DMBT1: variants seen among roughly 807,000 people sequenced by gnomAD.
DMBT1 encodes deleted in malignant brain tumors 1.
DMBT1 carries 198 observed loss-of-function variants against 252.9 expected under a neutral mutation model. The observed-to-expected ratio is 0.78, with a 90% CI of 0.70 to 0.88. DMBT1 has a LOEUF of 0.88. Among genes scored for constraint, DMBT1 ranks in the 40% least tolerant of loss-of-function variants. The pLI is 0.00. For missense variants in DMBT1, 2,432 were observed against 2,404.7 expected (o/e 1.01, Z -0.24); for synonymous variants, 990 against 942.7 (o/e 1.05, Z -0.92).
Position 122,573,290 on chromosome 10 carries a change from T to G in DMBT1, c.236-425T>G, listed in dbSNP as rs576167014. Among the ~76,000 whole-genome samples the G allele has an allele frequency of 3.8e-5, 5 of 130,454 alleles. No individual in the cohort carries two copies. The South Asian group carries it at 1.4e-3, about 37-fold the overall frequency. The allele number at this position is 130,454 out of a possible 152,430, so 85.6% of individuals were successfully genotyped here. A position where few individuals can be genotyped will look rare whatever the true frequency, so the allele number is the denominator to read the frequency against. ...GGTTTAGTTTTGCATTCTGGAAAGG[T>G]TGGTTTTCTTTCGAAACCACCTTTT... On this transcript the variant is annotated intron_variant, in intron 5 of 55. Coordinates refer to ENST00000338354, the MANE Select transcript of DMBT1 (RefSeq NM_001377530.1).
At position 122,599,008 on chromosome 10, in the gene DMBT1, G is replaced by A. The variant is rs1318499380; in HGVS notation, c.3191G>A (p.Gly1064Glu). ...GTCCTGGATGATGTGCGCTGCTCAGGACACGAGTCTTACCTGTGGAGCTGC... is the reference window on the plus strand; with the variant it reads ...GTCCTGGATGATGTGCGCTGCTCAGAACACGAGTCTTACCTGTGGAGCTGC... ...PIVLDDVRCS[G>E]HESYLWSCPH... Residue 1064 changes from glycine (G) to glutamate (E), a missense_variant, in exon 26 of 56, where the codon GGA (glycine) becomes GAA (glutamate). Gly to Glu is a moderately conservative substitution (Grantham distance 98). Around this residue, in one of 3 missense-constraint regions of DMBT1, gnomAD observed 1,264 missense variants for 1,082.2 expected, o/e 1.17. Coordinates refer to ENST00000338354, the MANE Select transcript of DMBT1 (RefSeq NM_001377530.1). 9 of 1,613,684 alleles carry A rather than the reference G, an allele frequency of 5.6e-6. No homozygotes were observed. The highest frequency in any genetic ancestry group is 7.6e-6 in the Non-Finnish European group (9 of 1,179,748).
chr10:122,620,917 C>A (rs2098060538), intron 43 of DMBT1, 140 bp from the exon 44 acceptor site: 17 of 1,483,442 alleles, frequency 1.1e-5, no homozygotes, highest in Non-Finnish European at 1.3e-5. Flanking sequence ...TGAAGCTGAA[C>A]CTCTGTCTGT....
intron 1 of DMBT1, among the ~76,000 whole-genome samples, chr10:122,563,481 GTGTT>G (rs1470503003): frequency 6.6e-6 from 1 of 151,960 alleles, no homozygotes; most frequent in African/African-American, 2.4e-5. Flanking sequence ...GAAGGTACCA[GTGTT>G]TGTTAGCATG....
chr10:122,560,872 C>A, intron 1 of DMBT1, 41 bp downstream of exon 1: 8 of 1,468,548 alleles, frequency 5.4e-6, no homozygotes, highest in Non-Finnish European at 7.4e-6. Flanking sequence ...TTCTCTCCTG[C>A]AGACCCAATC....
rs1354595177 is a variant in DMBT1 at position 122,591,957 on chromosome 10, G to A, written c.2177-315G>A. On this transcript the variant is annotated intron_variant, in intron 19 of 55. Coordinates refer to ENST00000338354, the MANE Select transcript of DMBT1 (RefSeq NM_001377530.1). ...CACCAAACTCTTCGACATGGGGATAGCATAGGCCTGCCCTCTGGAGCAGTG... is the reference window on the plus strand; with the variant it reads ...CACCAAACTCTTCGACATGGGGATAACATAGGCCTGCCCTCTGGAGCAGTG... Among the ~76,000 whole-genome samples, 2 of 149,064 alleles carry A rather than the reference G, an allele frequency of 1.3e-5. 1 individual carries two copies. The highest frequency in any genetic ancestry group is 3.0e-5 in the Non-Finnish European group (2 of 66,876).
In DMBT1 at chr10:122,592,504, A is replaced by C; in HGVS notation, c.2409A>C (p.Ser803=). Residue 803 remains serine (S), a synonymous_variant, in exon 20 of 56, where the codon TCA becomes TCC. Coordinates refer to ENST00000338354, the MANE Select transcript of DMBT1 (RefSeq NM_001377530.1). ...GPIVLDDVRC[S]GHESYLWSCP... ...TTGTTCTGGATGATGTGCGCTGCTCAGGACACGAGTCCTACCTGTGGAGCT... is the reference window on the plus strand; with the variant it reads ...TTGTTCTGGATGATGTGCGCTGCTCCGGACACGAGTCCTACCTGTGGAGCT... The C allele has an allele frequency of 1.3e-6, 2 of 1,588,160 alleles. No homozygotes were observed. The highest frequency in any genetic ancestry group is 1.7e-6 in the Non-Finnish European group (2 of 1,165,626).
intron 4 of DMBT1, 71 bp downstream of exon 4, chr10:122,571,008 G>T: frequency 6.5e-7 from 1 of 1,549,152 alleles, no homozygotes; most frequent in Non-Finnish European, 8.9e-7. Context: ...CTCTGATTCA[G>T]ACGAGGTGCA....
chr10:122,638,204 G>A (rs1441294930), intron 54 of DMBT1, among the ~76,000 whole-genome samples: 6 of 152,132 alleles, frequency 3.9e-5, no homozygotes, highest in Non-Finnish European at 8.8e-5. Context: ...GTCAGTGGAA[G>A]TCAGTCCACT....
At chr10:122,627,582 A>T (rs778625247) in intron 46 of DMBT1, among the ~76,000 whole-genome samples, 1 of 152,192 alleles carries the variant, frequency 6.6e-6, no homozygotes, top group Non-Finnish European at 1.5e-5. Context: ...ATTGTTTCCA[A>T]TTATATTTTA....
At chr10:122,571,017 C>A in intron 4 of DMBT1, 80 bp downstream of exon 4, 1 of 1,519,944 alleles carries the variant, frequency 6.6e-7, no homozygotes, top group Non-Finnish European at 9.1e-7. Flanking sequence ...AGACGAGGTG[C>A]AGAGGGCATA....
chr10:122,591,513 AG>A lies in DMBT1; in HGVS notation c.2173del (p.Val725Ter). 2 of 1,586,228 alleles carry A rather than the reference AG, an allele frequency of 1.3e-6. No homozygotes were observed. Among genetic ancestry groups the A allele is most frequent in the Non-Finnish European group, 1.7e-6 (2 of 1,163,880 alleles). ...LSTITLPPST[V>X]GSESSLTLRL... is the part of the protein sequence containing the mutation. ...CGACCATCACGTTACCTCCATCGAC[AG>A]TAGGTAAATAATCCTCTCACCCCTC... On this transcript the variant is annotated frameshift_variant, in exon 19 of 56. Transcript: ENST00000338354. LOFTEE classifies it high-confidence loss of function.
intron 8 of DMBT1, 150 bp downstream of exon 8, chr10:122,577,990 C>A (rs2097728001): frequency 2.5e-6 from 2 of 796,548 alleles, no homozygotes; most frequent in Non-Finnish European, 4.0e-6. Flanking sequence ...TAGCATGGGG[C>A]TTCTTAACCA....
chr10:122,587,602 G>T (rs59522987), intron 16 of DMBT1, among the ~76,000 whole-genome samples: 8,438 of 147,906 alleles, frequency 0.057, 462 homozygotes, highest in African/African-American at 0.2. Flanking sequence ...AAGGGAGTGG[G>T]TTGGTTTTGT....
intron 16 of DMBT1, among the ~76,000 whole-genome samples, chr10:122,587,421 G>A (rs114446883): frequency 0.019 from 2,894 of 148,676 alleles, 14 homozygotes; most frequent in African/African-American, 0.066. Context: ...GCACTGCAGT[G>A]TCTTGCCTGT....
chr10:122,574,026 T>C (rs1315310780), intron 6 of DMBT1, among the ~76,000 whole-genome samples: 1 of 152,194 alleles, frequency 6.6e-6, no homozygotes, highest in Non-Finnish European at 1.5e-5. Flanking sequence ...CTGTTATCTT[T>C]GCTTGTTGCT....
intron 44 of DMBT1, among the ~76,000 whole-genome samples, chr10:122,621,651 TC>T (rs1241617450): frequency 9.2e-5 from 14 of 152,250 alleles, no homozygotes; most frequent in African/African-American, 3.1e-4. Flanking sequence ...AATTTCTGGC[TC>T]CCCAGGGCTC....
intron 16 of DMBT1, among the ~76,000 whole-genome samples, chr10:122,587,641 A>C (rs146712796): frequency 2.0e-5 from 3 of 148,454 alleles, no homozygotes; most frequent in African/African-American, 7.3e-5. Context: ...GGCAGACACA[A>C]AGTCCTTCAA....
chr10:122,643,368 C>T lies in DMBT1; in HGVS notation c.7599C>T (p.Thr2533=), dbSNP rs1055709911. The T allele has an allele frequency of 1.2e-6, 2 of 1,613,686 alleles. No homozygotes were observed. Among genetic ancestry groups the T allele is most frequent in the Non-Finnish European group, 1.7e-6 (2 of 1,179,758 alleles). The part of the protein sequence containing the change: ...DVVLGPIQLQ[T]PPRREEEPR ...TCCTGGGTCCCATCCAGCTGCAGAC[C>T]CCCCCACGCCGAGAAGAGGAGCCTC... The change falls in exon 56 of 56, where the codon ACC becomes ACT. Residue 2533 remains threonine (T), a synonymous_variant. Coordinates refer to ENST00000338354, the MANE Select transcript of DMBT1 (RefSeq NM_001377530.1).
chr10:122,593,786 C>T lies in DMBT1; in HGVS notation c.2530+188C>T, dbSNP rs577337842. Among the ~76,000 whole-genome samples the T allele has an allele frequency of 3.2e-4, 47 of 147,408 alleles. 1 individual carries two copies. The highest frequency in any genetic ancestry group is 1.1e-3 in the African/African-American group (45 of 41,066). ...TTAAACACACACAGGATTGAGGAGGCCTCTGTCTTCTTTTCAACCCCTCTC... is the reference window on the plus strand; with the variant it reads ...TTAAACACACACAGGATTGAGGAGGTCTCTGTCTTCTTTTCAACCCCTCTC... On this transcript the variant is annotated intron_variant, in intron 21 of 55. Transcript: ENST00000338354.
Sources: gnomAD v4.1 joint callset for allele counts (sites outside exome capture counted in the v4.1 genomes callset) on GRCh38, gnomAD v4.1.1 for gene constraint, gnomAD v4.1.1 regional missense constraint, MANE v1.5 for transcripts, NCBI Gene and HGNC (gene_info 2026-07-23, HGNC 2026-07-21) for gene names.